Variants in NIPA1 observed in about 807,000 individuals in gnomAD.
The protein encoded by NIPA1 is magnesium transporter NIPA1.
A neutral mutation model predicts 23.9 loss-of-function variants in NIPA1; 13 were observed. The ratio of observed to expected loss-of-function variants is 0.54; its 90% CI spans 0.35 to 0.87. The LOEUF is 0.87. Ranked by LOEUF, NIPA1 falls within the 40% of genes least tolerant of loss-of-function variation. The probability of loss-of-function intolerance (pLI) is 0.01; values close to 1 mark genes in which losing one functional copy is unlikely to be tolerated. For missense variants in NIPA1, 362 were observed against 429.7 expected (o/e 0.84, Z 1.39); for synonymous variants, 234 against 202.9 (o/e 1.15, Z -1.30).
intron 3 of NIPA1, among the ~76,000 whole-genome samples, chr15:22,816,087 G>A (rs1346308390): frequency 6.6e-6 from 1 of 150,862 alleles, no homozygotes; most frequent in Admixed American, 6.6e-5. Flanking sequence ...GGATGTTATA[G>A]CCACAGCAAT....
chr15:22,799,610 A>G (rs376093396), intron 1 of NIPA1, among the ~76,000 whole-genome samples: 77 of 152,070 alleles, frequency 5.1e-4, no homozygotes, highest in East Asian at 1.5e-3. Context: ...GTGAAACCCC[A>G]TCTCTACTAA....
intron 1 of NIPA1, among the ~76,000 whole-genome samples, chr15:22,798,118 AT>A (rs1894981046): frequency 6.6e-6 from 1 of 151,908 alleles, no homozygotes; most frequent in Non-Finnish European, 1.5e-5. Context: ...AAATGCCGGG[AT>A]TACAGGCGTG....
chr15:22,810,738 A>AT lies in NIPA1; in HGVS notation c.179-5dup. ...CCACTTTTCTGACATTTTTTATCTCATTTTTTATAGGTACTTCCTATTTAA... is the reference window on the plus strand; with the variant it reads ...CCACTTTTCTGACATTTTTTATCTCATTTTTTTATAGGTACTTCCTATTTAA... On this transcript the variant is annotated splice_polypyrimidine_tract_variant and intron_variant, in intron 1 of 4. Transcript: ENST00000337435. 1.9e-6 allele frequency: 3 copies of AT among 1,590,680 alleles called. No homozygotes were observed. Among genetic ancestry groups the AT allele is most frequent in the South Asian group, 1.1e-5 (1 of 90,644 alleles).
chr15:22,818,263 TC>T (rs1895465514), intron 3 of NIPA1, among the ~76,000 whole-genome samples: 1 of 146,338 alleles, frequency 6.8e-6, no homozygotes, highest in African/African-American at 2.5e-5. Flanking sequence ...ATGGTAAAAC[TC>T]CGTCTCTACT....
At chr15:22,795,582 G>A (rs913370005) in intron 1 of NIPA1, among the ~76,000 whole-genome samples, 8 of 152,160 alleles carry the variant, frequency 5.3e-5, no homozygotes, top group South Asian at 2.1e-4. Flanking sequence ...CCCTTACAGC[G>A]TGCTGGTCTC....
At chr15:22,793,444 T>C (rs1236634680) in intron 1 of NIPA1, among the ~76,000 whole-genome samples, 1 of 151,978 alleles carries the variant, frequency 6.6e-6, no homozygotes, top group African/African-American at 2.4e-5. Context: ...AGAGCTTCTT[T>C]TTTTTTATTT....
chr15:22,802,567 G>A (rs1001762933), intron 1 of NIPA1, among the ~76,000 whole-genome samples: 2 of 151,624 alleles, frequency 1.3e-5, no homozygotes, highest in Non-Finnish European at 2.9e-5. Context: ...TTAAGTATTG[G>A]GGTATAATTG....
intron 1 of NIPA1, among the ~76,000 whole-genome samples, chr15:22,797,526 A>C (rs1410049477): frequency 1.7e-4 from 5 of 29,424 alleles, no homozygotes; most frequent in Admixed American, 1.5e-3. Flanking sequence ...TTTTTTTTTG[A>C]GATGGAGTTT....
At chr15:22,822,088 G>A (rs1447504620) in intron 4 of NIPA1, among the ~76,000 whole-genome samples, 1 of 152,030 alleles carries the variant, frequency 6.6e-6, no homozygotes, top group Non-Finnish European at 1.5e-5. Flanking sequence ...TTATTGACTG[G>A]GACACTTGAG....
chr15:22,828,842 G>C lies in NIPA1; in HGVS notation c.*4603G>C, dbSNP rs1030838221. The C allele has an allele frequency of 6.6e-6, 1 of 152,618 alleles. No homozygotes were observed. The highest frequency in any genetic ancestry group is 1.5e-5 in the Non-Finnish European group (1 of 68,058). The allele number at this position is 152,618 out of a possible 1,614,324, so 9.5% of individuals were successfully genotyped here. On this transcript the variant is annotated 3_prime_UTR_variant, in exon 5 of 5. Coordinates refer to ENST00000337435, the MANE Select transcript of NIPA1 (RefSeq NM_144599.5). ...TCAGTTTTTCTACCTCTAAAGGGGTGGGATGGTTCTTCAAATTGTTTCTAA... is the reference window on the plus strand; with the variant it reads ...TCAGTTTTTCTACCTCTAAAGGGGTCGGATGGTTCTTCAAATTGTTTCTAA...
intron 1 of NIPA1, among the ~76,000 whole-genome samples, chr15:22,800,229 C>G (rs1437381479): frequency 6.6e-6 from 1 of 152,052 alleles, no homozygotes; most frequent in East Asian, 1.9e-4. Flanking sequence ...CAGTGCCAAC[C>G]CCACCCACAC....
intron 1 of NIPA1, among the ~76,000 whole-genome samples, chr15:22,796,155 T>C (rs933964530): frequency 1.3e-5 from 2 of 151,938 alleles, no homozygotes; most frequent in East Asian, 3.9e-4. Flanking sequence ...CTCCTAGGGC[T>C]CAAGTGGTCC....
intron 3 of NIPA1, chr15:22,814,131 C>A: frequency 7.9e-7 from 1 of 1,262,930 alleles, no homozygotes; most frequent in Non-Finnish European, 1.0e-6. Context: ...GGATAAAAAG[C>A]CTGTCTTCAA....
chr15:22,827,051 A>G lies in NIPA1; in HGVS notation c.*2812A>G, dbSNP rs1895667092. On this transcript the variant is annotated 3_prime_UTR_variant, in exon 5 of 5. Transcript: ENST00000337435. ...GGCCTAGAACATGGATAGATCTCTT[A>G]GTGGTCTTTCCAAAAGTACATGTAC... is the stretch of plus-strand genomic sequence containing the variant. The G allele has an allele frequency of 6.6e-6, 1 of 151,782 alleles. No homozygotes were observed. The highest frequency in any genetic ancestry group is 2.4e-5 in the African/African-American group (1 of 41,102). 9.4% of individuals were successfully genotyped at this position (151,782 alleles called of 1,614,324 possible).
intron 4 of NIPA1, 37 bp from the exon 5 acceptor site, chr15:22,823,691 G>A (rs373586341): frequency 2.0e-5 from 31 of 1,574,122 alleles, no homozygotes; most frequent in Middle Eastern, 3.9e-4. Flanking sequence ...GCTGCTAGGC[G>A]GTGGCTCCGG....
chr15:22,795,178 A>T (rs1894915466), intron 1 of NIPA1, among the ~76,000 whole-genome samples: 1 of 152,120 alleles, frequency 6.6e-6, no homozygotes. Flanking sequence ...TGACCCTGAG[A>T]GGAGATCACT....
chr15:22,792,494 G>T (rs974701779), intron 1 of NIPA1, among the ~76,000 whole-genome samples: 1 of 152,060 alleles, frequency 6.6e-6, no homozygotes, highest in African/African-American at 2.4e-5. Context: ...AAATAGCTGG[G>T]ACTACAGATG....
chr15:22,802,545 A>G (rs1895106559), intron 1 of NIPA1, among the ~76,000 whole-genome samples: 1 of 152,134 alleles, frequency 6.6e-6, no homozygotes, highest in African/African-American at 2.4e-5. Flanking sequence ...TCATTTATCA[A>G]CTATTTCTTG....
At position 22,829,311 on chromosome 15, in the gene NIPA1, C is replaced by G. The variant is rs1895709244; in HGVS notation, c.*5072C>G. 1 of 152,188 alleles carries G rather than the reference C, an allele frequency of 6.6e-6. No homozygotes were observed. The highest frequency in any genetic ancestry group is 2.1e-4 in the South Asian group (1 of 4,834). The allele number at this position is 152,188 out of a possible 1,614,324, so 9.4% of individuals were successfully genotyped here. On this transcript the variant is annotated 3_prime_UTR_variant, in exon 5 of 5. Transcript: ENST00000337435. Reference sequence around the variant, plus strand: ...CTTCCTGCTTCCAAGCAGCTCAACCCTGATGCTGAACTGACACCAGGCGAA... The same window carrying G: ...CTTCCTGCTTCCAAGCAGCTCAACCGTGATGCTGAACTGACACCAGGCGAA...
Sources: allele counts gnomAD v4.1 joint callset (sites outside exome capture counted in the v4.1 genomes callset), GRCh38; gene constraint gnomAD v4.1.1; transcripts MANE v1.5; gene names NCBI Gene and HGNC (gene_info 2026-07-23, HGNC 2026-07-21).